Variants in CLCN6 observed in about 807,000 individuals in gnomAD.
CLCN6 encodes the protein Cl-/H+ antiporter 6, also known as H(+)/Cl(-) exchange transporter 6.
In CLCN6, 70 loss-of-function variants were observed where a neutral mutation model predicts 109.8. The ratio of observed to expected loss-of-function variants is 0.64; its 90% CI spans 0.53 to 0.78. CLCN6 has a LOEUF of 0.78. Among genes scored for constraint, CLCN6 ranks in the 30% least tolerant of loss-of-function variants. The pLI is 0.00. For synonymous variants in CLCN6, 444 were observed against 447.8 expected, an observed-to-expected ratio of 0.99 and a Z score of 0.11; for missense variants, 984 against 1,142.3, an observed-to-expected ratio of 0.86 and a Z score of 2.00.
chr1:11,820,251 A>G lies in CLCN6; in HGVS notation c.346+697A>G, dbSNP rs2100623437. The G allele has an allele frequency of 4.8e-6, 3 of 631,060 alleles. No homozygotes were observed. The East Asian group carries it at 8.4e-5, about 18-fold the overall frequency. The allele number at this position is 631,060 out of a possible 1,614,324, so 39.1% of individuals were successfully genotyped here. A position where few individuals can be genotyped will look rare whatever the true frequency, so the allele number is the denominator to read the frequency against. ...CAGGAGTTTGAGGCTGTAATGCACC[A>G]TGACTGTGCCTGGGCAGCATAGCAA... On this transcript the variant is annotated intron_variant, in intron 5 of 22. Coordinates refer to ENST00000346436, the MANE Select transcript of CLCN6 (RefSeq NM_001286.5).
chr1:11,810,172 G>GC (rs1036401142), intron 2 of CLCN6, among the ~76,000 whole-genome samples: 8 of 152,134 alleles, frequency 5.3e-5, no homozygotes, highest in African/African-American at 1.9e-4. Context: ...TCTAAAAAGT[G>GC]CCCCTTCTTC....
chr1:11,828,606 C>T lies in CLCN6; in HGVS notation c.1103C>T (p.Pro368Leu), dbSNP rs771858530. 9.9e-6 allele frequency: 16 copies of T among 1,610,838 alleles called. No individual in the cohort carries two copies. In the South Asian group the frequency reaches 1.2e-4, roughly 12 times the overall value. Residue 368 changes from proline (P) to leucine (L), a missense_variant, in exon 12 of 23, where the codon CCG becomes CTG. Coordinates refer to ENST00000346436, the MANE Select transcript of CLCN6 (RefSeq NM_001286.5). ...AAGTACCGTATGCGAAACGTGCACC[C>T]GAAACCTAAGCTCGTCAGGTATCTG... The part of the protein sequence containing the change: ...LAKYRMRNVH[P>L]KPKLVRVLES...
At position 11,833,570 on chromosome 1, in the gene CLCN6, A is replaced by G; in HGVS notation, c.1304A>G (p.Tyr435Cys). 1 of 1,614,048 alleles carries G rather than the reference A, an allele frequency of 6.2e-7. No individual in the cohort carries two copies. The highest frequency in any genetic ancestry group is 8.5e-7 in the Non-Finnish European group (1 of 1,179,958). The change falls in exon 14 of 23, where the codon TAC becomes TGC. Residue 435 changes from tyrosine to cysteine, a missense_variant. Physicochemically the swap from Tyr to Cys is radical, Grantham distance 194. Transcript: ENST00000346436. ...ACATTTTTTTGTCCCAATGATACCT[A>G]CAATGACATGGCCACACTCTTCTTC... ...IKTFFCPNDTYNDMATLFFNP... is the reference protein window; with the variant it reads ...IKTFFCPNDTCNDMATLFFNP...
intron 6 of CLCN6, among the ~76,000 whole-genome samples, chr1:11,823,015 T>TG (rs772472109): frequency 4.6e-5 from 7 of 151,838 alleles, no homozygotes; most frequent in Non-Finnish European, 7.4e-5. Context: ...GTACAGATTC[T>TG]GGGGGGAGGA....
chr1:11,812,198 T>C (rs1644607582), intron 2 of CLCN6, among the ~76,000 whole-genome samples: 1 of 152,206 alleles, frequency 6.6e-6, no homozygotes, highest in Admixed American at 6.5e-5. Flanking sequence ...TCCTTGAGTT[T>C]GGTTAACTTG....
chr1:11,829,482 C>T (rs1644854043), intron 13 of CLCN6, among the ~76,000 whole-genome samples, 160 bp downstream of exon 13: 1 of 152,240 alleles, frequency 6.6e-6, no homozygotes, highest in Non-Finnish European at 1.5e-5. Flanking sequence ...CGTCTTTTTA[C>T]CTCAGAGAAA....
chr1:11,828,333 C>T, intron 11 of CLCN6, 114 bp downstream of exon 11: 1 of 1,418,360 alleles, frequency 7.1e-7, no homozygotes, highest in Middle Eastern at 1.8e-4. Flanking sequence ...AGGGACACAT[C>T]TCACCCATTA....
intron 2 of CLCN6, among the ~76,000 whole-genome samples, chr1:11,808,227 T>TTGTGTGTGTGTGTGTGTGTGTGTG (rs3073085): frequency 7.2e-6 from 1 of 139,160 alleles, no homozygotes; most frequent in Admixed American, 7.4e-5. Context: ...GTGTGTGTGT[T>TTGTGTGTGTGTGTGTGTGTGTGTG]TGTGTGTGTG....
intron 3 of CLCN6, 146 bp downstream of exon 3, chr1:11,816,057 T>C (rs1557780355): frequency 3.2e-6 from 2 of 632,418 alleles, no homozygotes; most frequent in South Asian, 3.9e-5. Context: ...TTTATGCGCT[T>C]TGCTTTATTT....
chr1:11,807,915 T>G (rs1470973647), intron 2 of CLCN6, among the ~76,000 whole-genome samples: 2 of 152,234 alleles, frequency 1.3e-5, no homozygotes, highest in Non-Finnish European at 2.9e-5. Flanking sequence ...TCACCCCCTT[T>G]ATTATACTTT....
intron 6 of CLCN6, among the ~76,000 whole-genome samples, chr1:11,823,489 A>AAT (rs60430839): frequency 6.6e-6 from 1 of 151,400 alleles, no homozygotes; most frequent in African/African-American, 2.4e-5. Flanking sequence ...AAAAAAAAAA[A>AAT]GAAAAAAAAG....
At chr1:11,820,768 AAAAC>A (rs746064877) in intron 5 of CLCN6, 116 of 169,738 alleles carry the variant, frequency 6.8e-4, no homozygotes, top group Admixed American at 2.3e-3. Context: ...CTCCGTCTCA[AAAAC>A]AAACAAACAA....
In CLCN6 at chr1:11,838,527, CTT is replaced by C; in HGVS notation, c.2404-6_2404-5del. The C allele has an allele frequency of 6.2e-7, 1 of 1,607,506 alleles. No individual in the cohort carries two copies. The highest frequency in any genetic ancestry group is 8.5e-7 in the Non-Finnish European group (1 of 1,174,534). On this transcript the variant is annotated splice_region_variant and splice_polypyrimidine_tract_variant and intron_variant, in intron 21 of 22. Coordinates refer to ENST00000346436, the MANE Select transcript of CLCN6 (RefSeq NM_001286.5). ...TCAGGCAGTCAGTGACACGTGGTCT[CTT>C]TGCAGGATGTCACCCCATACATGAA...
chr1:11,827,956 T>C, intron 10 of CLCN6, 150 bp from the exon 11 acceptor site: 1 of 684,318 alleles, frequency 1.5e-6, no homozygotes, highest in Middle Eastern at 2.6e-4. Flanking sequence ...ATACCTGGGG[T>C]GTATCTACTG....
chr1:11,828,383 G>GT, intron 11 of CLCN6, 75 bp from the exon 12 acceptor site: 1 of 1,583,722 alleles, frequency 6.3e-7, no homozygotes, highest in Non-Finnish European at 8.7e-7. Flanking sequence ...TCTTGCTTCT[G>GT]TCTTCTCTTC....
At position 11,836,164 on chromosome 1, in the gene CLCN6, C is replaced by T. The variant is rs375775967; in HGVS notation, c.1980+11C>T. ...AACATCAAGTTCAAGGTAAAGAAAA[C>T]GGCATGAGAGGAAAGGCAGGTGAGA... On this transcript the variant is annotated intron_variant, in intron 18 of 22. Coordinates refer to ENST00000346436, the MANE Select transcript of CLCN6 (RefSeq NM_001286.5). 71 of 1,609,238 alleles carry T rather than the reference C, an allele frequency of 4.4e-5. No homozygotes were observed. The South Asian group carries it at 5.7e-4, about 13-fold the overall frequency.
chr1:11,827,312 A>G, intron 10 of CLCN6, 91 bp downstream of exon 10: 2 of 1,279,084 alleles, frequency 1.6e-6, no homozygotes, highest in South Asian at 3.1e-5. Context: ...AGTTTTGATG[A>G]GACTGGGGGG....
chr1:11,835,035 C>T (rs924709875), intron 17 of CLCN6, among the ~76,000 whole-genome samples: 8 of 152,212 alleles, frequency 5.3e-5, no homozygotes, highest in African/African-American at 1.9e-4. Context: ...ACCTGGGCTT[C>T]CTGTGTCTAG....
intron 5 of CLCN6, among the ~76,000 whole-genome samples, chr1:11,821,323 C>T (rs1295228916): frequency 6.6e-6 from 1 of 152,046 alleles, no homozygotes; most frequent in East Asian, 1.9e-4. Flanking sequence ...TTTGGGAGGC[C>T]GAGGCAGGCG....
Sources: gnomAD v4.1 joint callset for allele counts (sites outside exome capture counted in the v4.1 genomes callset) on GRCh38, gnomAD v4.1.1 for gene constraint, MANE v1.5 for transcripts, NCBI Gene and HGNC (gene_info 2026-07-23, HGNC 2026-07-21) for gene names.